Variants in KRABD3 observed in about 807,000 individuals in gnomAD.
KRABD3 encodes KRAB domain-containing protein 3.
At chr7:149,726,047 G>A in the KRABD3 span, 1 of 1,611,604 alleles carries the variant, frequency 6.2e-7, no homozygotes, top group Non-Finnish European at 8.5e-7. Context: ...ACCAGGGGCA[G>A]CATCCTGGAA....
At chr7:149,724,678 C>T in the KRABD3 span, 1 of 1,547,186 alleles carries the variant, frequency 6.5e-7, no homozygotes. Context: ...GACCCCTCCT[C>T]CCCATCCTGA....
chr7:149,714,991 C>A, the KRABD3 span: 1 of 1,203,356 alleles, frequency 8.3e-7, no homozygotes, highest in Non-Finnish European at 1.0e-6. Context: ...CGACGAGGGT[C>A]GCGTGCGCCC....
the KRABD3 span, chr7:149,715,062 G>A: frequency 8.1e-7 from 1 of 1,230,352 alleles, no homozygotes; most frequent in African/African-American, 1.6e-5. Flanking sequence ...GGGATGGCGC[G>A]CCAGGTAAGG....
the KRABD3 span, chr7:149,720,816 C>G: frequency 1.9e-6 from 3 of 1,567,658 alleles, no homozygotes; most frequent in Non-Finnish European, 2.6e-6. Context: ...GCGGGGGGGT[C>G]ACTGTGGCCT....
the KRABD3 span, chr7:149,721,099 G>A: frequency 2.8e-6 from 4 of 1,408,604 alleles, no homozygotes; most frequent in Admixed American, 8.6e-5. Flanking sequence ...AGGCCGGGAG[G>A]CAGAGTCACC....
the KRABD3 span, chr7:149,724,635 A>G: frequency 3.9e-5 from 58 of 1,500,932 alleles, no homozygotes; most frequent in Middle Eastern, 1.7e-4. Context: ...GGGCTTCCCA[A>G]TGGCCTCCTC....
At chr7:149,715,010 G>A in the KRABD3 span, 1 of 1,225,404 alleles carries the variant, frequency 8.2e-7, no homozygotes, top group Non-Finnish European at 1.0e-6. Context: ...CCGCGCCAGG[G>A]CCCGCGCCGG....
chr7:149,724,930 A>G, the KRABD3 span: 2 of 1,182,096 alleles, frequency 1.7e-6, no homozygotes, highest in Non-Finnish European at 2.3e-6. Flanking sequence ...ACCCCAGGGA[A>G]GCAGCTCTCA....
chr7:149,730,205 G>T, the KRABD3 span: 1 of 1,574,664 alleles, frequency 6.4e-7, no homozygotes, highest in South Asian at 1.2e-5. Flanking sequence ...GGGGGATCTT[G>T]CCTGTAAGGC....
At chr7:149,726,904 A>C in the KRABD3 span, among the ~76,000 whole-genome samples, 1 of 152,160 alleles carries the variant, frequency 6.6e-6, no homozygotes, top group Non-Finnish European at 1.5e-5. Flanking sequence ...TGAGACCCCC[A>C]TCTCAAAAAT....
the KRABD3 span, chr7:149,733,276 GC>G: frequency 1.2e-6 from 2 of 1,612,400 alleles, no homozygotes; most frequent in Non-Finnish European, 1.7e-6. Context: ...CTCCGGAGCT[GC>G]CCCCTCCGGA....
the KRABD3 span, among the ~76,000 whole-genome samples, chr7:149,724,331 A>G: frequency 6.6e-6 from 1 of 152,126 alleles, no homozygotes; most frequent in Non-Finnish European, 1.5e-5. Context: ...TCAGCTTGTT[A>G]GCTTCTCAGA....
At chr7:149,728,528 C>G in the KRABD3 span, 1 of 1,613,190 alleles carries the variant, frequency 6.2e-7, no homozygotes, top group Non-Finnish European at 8.5e-7. Context: ...CACAGGAAGC[C>G]CACCAGGAAG....
At chr7:149,729,346 G>T in the KRABD3 span, 1 of 1,538,468 alleles carries the variant, frequency 6.5e-7, no homozygotes, top group East Asian at 2.4e-5. Context: ...CACCAGGCCA[G>T]GAGTGTGGAG....
chr7:149,717,339 A>G, the KRABD3 span, among the ~76,000 whole-genome samples: 1 of 152,138 alleles, frequency 6.6e-6, no homozygotes, highest in Non-Finnish European at 1.5e-5. Flanking sequence ...GCCTCCTGAC[A>G]CCTAAATACC....
At chr7:149,726,298 CT>C in the KRABD3 span, among the ~76,000 whole-genome samples, 1 of 152,180 alleles carries the variant, frequency 6.6e-6, no homozygotes, top group East Asian at 1.9e-4. Context: ...TCTAAGATTT[CT>C]TTTAAAATCT....
the KRABD3 span, chr7:149,719,992 C>A: frequency 6.5e-7 from 1 of 1,539,476 alleles, no homozygotes; most frequent in South Asian, 1.2e-5. This position sits in a 1 kb window ranked among gnomAD's most constrained non-coding sequence, Gnocchi z 5.6. Flanking sequence ...GGCCACAGTT[C>A]CCTCTTCTTT....
At chr7:149,733,301 G>A in the KRABD3 span, 1 of 1,612,618 alleles carries the variant, frequency 6.2e-7, no homozygotes, top group Non-Finnish European at 8.5e-7. Context: ...TGCGCCTCCT[G>A]TGTTGCCAGC....
At chr7:149,723,894 A>C in the KRABD3 span, 56 of 1,612,716 alleles carry the variant, frequency 3.5e-5, no homozygotes, top group African/African-American at 6.8e-4. Flanking sequence ...CTGGAGGTAA[A>C]GGCTTCTCGC....
Sources: allele counts gnomAD v4.1 joint callset (sites outside exome capture counted in the v4.1 genomes callset), GRCh38; gene constraint gnomAD v4.1.1; non-coding constraint Gnocchi (gnomAD v3.1); transcripts MANE v1.5; gene names NCBI Gene and HGNC (gene_info 2026-07-23, HGNC 2026-07-21).